The following L3MBTL4 variants were observed in gnomAD, a reference collection of about 807,000 sequenced individuals.
L3MBTL4 encodes the protein L3MBTL histone methyl-lysine binding protein 4.
Under a neutral mutation model 84.5 loss-of-function variants are expected in L3MBTL4, and 70 were observed. The ratio of observed to expected loss-of-function variants is 0.83; its 90% CI spans 0.68 to 1.01. The LOEUF is 1.01. Among genes scored for constraint, L3MBTL4 ranks in the 50% least tolerant of loss-of-function variants. The pLI is 0.00. For synonymous variants in L3MBTL4, 274 were observed against 259.8 expected (o/e 1.05, Z -0.52); for missense variants, 715 against 754.8 (o/e 0.95, Z 0.62).
chr18:6,174,729 G>A (rs940823432), intron 12 of L3MBTL4, among the ~76,000 whole-genome samples: 1 of 151,922 alleles, frequency 6.6e-6, no homozygotes, highest in Non-Finnish European at 1.5e-5. Context: ...ATCAGCTGGT[G>A]TGGTGATGCA....
chr18:6,284,607 C>T (rs2146620944), intron 4 of L3MBTL4, among the ~76,000 whole-genome samples: 1 of 152,340 alleles, frequency 6.6e-6, no homozygotes, highest in South Asian at 2.1e-4. Flanking sequence ...TGTTCCCAAG[C>T]CCCCGGTCGC....
chr18:6,327,132 C>T (rs997026864), intron 1 of L3MBTL4, among the ~76,000 whole-genome samples: 3 of 152,134 alleles, frequency 2.0e-5, no homozygotes, highest in African/African-American at 4.8e-5. Flanking sequence ...AGTGTTGAAG[C>T]GAGTGTGAAG....
At chr18:6,246,570 T>C (rs761491674) in intron 5 of L3MBTL4, among the ~76,000 whole-genome samples, 3 of 152,192 alleles carry the variant, frequency 2.0e-5, no homozygotes, top group Non-Finnish European at 2.9e-5. Flanking sequence ...TTGCTTAACA[T>C]CTGAATGCCT....
At chr18:6,234,988 T>C (rs935663935) in intron 10 of L3MBTL4, among the ~76,000 whole-genome samples, 6 of 152,056 alleles carry the variant, frequency 3.9e-5, no homozygotes, top group African/African-American at 1.4e-4. Flanking sequence ...TATGCAGCCA[T>C]AAAAAAAGAT....
At chr18:6,278,711 C>A (rs2049192765) in intron 4 of L3MBTL4, among the ~76,000 whole-genome samples, 2 of 152,110 alleles carry the variant, frequency 1.3e-5, no homozygotes, top group Admixed American at 1.3e-4. Context: ...CTGGCCCTCA[C>A]TTATCAATGT....
At chr18:6,217,201 TAC>T (rs2046362738) in intron 10 of L3MBTL4, among the ~76,000 whole-genome samples, 1 of 152,150 alleles carries the variant, frequency 6.6e-6, no homozygotes, top group African/African-American at 2.4e-5. Context: ...AAAACTAGCA[TAC>T]CAGCATAACC....
chr18:6,324,356 A>T (rs1373934657), intron 1 of L3MBTL4, among the ~76,000 whole-genome samples: 1 of 152,160 alleles, frequency 6.6e-6, no homozygotes, highest in Non-Finnish European at 1.5e-5. Context: ...TGCCCTCTAG[A>T]CCCTGGAATG....
At chr18:6,051,546 A>AC (rs1464280834) in intron 16 of L3MBTL4, among the ~76,000 whole-genome samples, 1 of 152,070 alleles carries the variant, frequency 6.6e-6, no homozygotes, top group Non-Finnish European at 1.5e-5. Flanking sequence ...CTCAAAAAAA[A>AC]AAAAAGGAAG....
intron 14 of L3MBTL4, among the ~76,000 whole-genome samples, chr18:6,116,042 G>A (rs1181137982): frequency 6.6e-6 from 1 of 152,176 alleles, no homozygotes; most frequent in Admixed American, 6.5e-5. Context: ...GGCAGACTAA[G>A]GAGCAAGAGA....
At chr18:6,047,416 C>T (rs1391483808) in intron 16 of L3MBTL4, among the ~76,000 whole-genome samples, 1 of 152,052 alleles carries the variant, frequency 6.6e-6, no homozygotes, top group Non-Finnish European at 1.5e-5. Flanking sequence ...GCCAGCATCA[C>T]CCTGATACCA....
intron 12 of L3MBTL4, among the ~76,000 whole-genome samples, chr18:6,200,248 C>T (rs2045593979): frequency 6.6e-6 from 1 of 152,144 alleles, no homozygotes; most frequent in South Asian, 2.1e-4. Flanking sequence ...CAATTTGGGG[C>T]TTTGGGATTT....
chr18:6,160,362 G>A (rs1323083889), intron 13 of L3MBTL4, among the ~76,000 whole-genome samples: 1 of 152,210 alleles, frequency 6.6e-6, no homozygotes. Context: ...AGTGTTACAA[G>A]TCAGGAGTGT....
chr18:6,189,509 G>GA (rs1251991902), intron 12 of L3MBTL4, among the ~76,000 whole-genome samples: 1 of 151,538 alleles, frequency 6.6e-6, no homozygotes, highest in Non-Finnish European at 1.5e-5. Context: ...CAGCATACAT[G>GA]AAAAAAGAAA....
At chr18:6,027,372 A>G (rs1033796125) in intron 16 of L3MBTL4, among the ~76,000 whole-genome samples, 1 of 152,190 alleles carries the variant, frequency 6.6e-6, no homozygotes, top group Non-Finnish European at 1.5e-5. Flanking sequence ...GAACTCACTC[A>G]TGTTTATGGG....
At chr18:5,977,208 C>T (rs571980927) in intron 16 of L3MBTL4, among the ~76,000 whole-genome samples, 1 of 152,372 alleles carries the variant, frequency 6.6e-6, no homozygotes, top group African/African-American at 2.4e-5. Flanking sequence ...GGCCCCTCCT[C>T]CCAGGCGGGC....
Position 5,956,217 on chromosome 18 carries a change from C to A in L3MBTL4, c.*3G>T. On this transcript the variant is annotated 3_prime_UTR_variant, in exon 19 of 19. Coordinates refer to ENST00000317931, the MANE Select transcript of L3MBTL4 (RefSeq NM_001330559.2). Reference sequence around the variant, plus strand: ...GGTGCCAGAGGAAGTTCAGGGAGCCCATTCATCCCCTGACTTCTTGGCCTG... The same window carrying A: ...GGTGCCAGAGGAAGTTCAGGGAGCCAATTCATCCCCTGACTTCTTGGCCTG... The A allele has an allele frequency of 1.9e-6, 3 of 1,610,536 alleles. No homozygotes were observed. Among genetic ancestry groups the A allele is most frequent in the South Asian group, 1.1e-5 (1 of 90,522 alleles).
intron 16 of L3MBTL4, among the ~76,000 whole-genome samples, chr18:6,032,773 ATAAG>A (rs967802209): frequency 6.6e-6 from 1 of 152,138 alleles, no homozygotes; most frequent in African/African-American, 2.4e-5. Context: ...TTTGACTATT[ATAAG>A]TACCTCATAT....
chr18:6,225,175 A>T (rs940031501), intron 10 of L3MBTL4, among the ~76,000 whole-genome samples: 1 of 152,242 alleles, frequency 6.6e-6, no homozygotes, highest in Non-Finnish European at 1.5e-5. Context: ...TTCCAAAGCA[A>T]CAAAGTAAAG....
At chr18:6,207,068 T>G (rs571631316) in intron 12 of L3MBTL4, among the ~76,000 whole-genome samples, 1 of 152,336 alleles carries the variant, frequency 6.6e-6, no homozygotes, top group African/African-American at 2.4e-5. Context: ...CTAAAAATGT[T>G]TTTTACATTT....
Sources: gnomAD v4.1 joint callset for allele counts (sites outside exome capture counted in the v4.1 genomes callset) on GRCh38, gnomAD v4.1.1 for gene constraint, MANE v1.5 for transcripts, NCBI Gene and HGNC (gene_info 2026-07-23, HGNC 2026-07-21) for gene names.